The following MYT1L variants were observed in gnomAD, a reference collection of about 807,000 sequenced individuals.
MYT1L encodes the protein myelin transcription factor 1 like.
Under a neutral mutation model 126.7 loss-of-function variants are expected in MYT1L, and 12 were observed. That is an observed-to-expected ratio of 0.09 (90% CI 0.06 to 0.15). MYT1L has a LOEUF of 0.15. MYT1L is among the 10% of genes least tolerant of loss of function. MYT1L has a pLI of 1.00. For synonymous variants in MYT1L, 541 were observed against 604.2 expected (o/e 0.90, Z 1.53); for missense variants, 979 against 1,585.2 (o/e 0.62, Z 6.49).
At chr2:1,810,561 T>G (rs7608632) in intron 21 of MYT1L, among the ~76,000 whole-genome samples, 93,691 of 152,066 alleles carry the variant, frequency 0.62, 29,122 homozygotes, top group South Asian at 0.76. Flanking sequence ...GATGTGTTAG[T>G]GATATATCTA....
chr2:2,246,766 T>C (rs2094543749), intron 2 of MYT1L, among the ~76,000 whole-genome samples: 1 of 152,186 alleles, frequency 6.6e-6, no homozygotes, highest in Non-Finnish European at 1.5e-5. Flanking sequence ...TGAAGATGAG[T>C]GCTAATTAAT....
chr2:1,840,994 C>T (rs2041607199), intron 19 of MYT1L, 151 bp from the exon 20 acceptor site: 3 of 576,108 alleles, frequency 5.2e-6, no homozygotes, highest in South Asian at 2.1e-5. Context: ...AGCTCCGCCT[C>T]CCGGGTTCAC....
intron 2 of MYT1L, among the ~76,000 whole-genome samples, chr2:2,279,746 A>G (rs191290822): frequency 1.2e-3 from 176 of 152,204 alleles, no homozygotes; most frequent in Middle Eastern, 6.8e-3. Context: ...AGGTATTTCC[A>G]TTTTGCCATT....
intron 3 of MYT1L, among the ~76,000 whole-genome samples, chr2:2,152,814 T>G (rs1477100153): frequency 6.6e-6 from 1 of 152,106 alleles, no homozygotes; most frequent in Non-Finnish European, 1.5e-5. Context: ...ACAAGCTATC[T>G]TAGTTAGGAG....
Position 2,004,483 on chromosome 2 carries a change from CTTCTTTCCTGCAGGCA to C in MYT1L, c.-157-7152_-157-7137del, listed in dbSNP as rs1227673132. Among the ~76,000 whole-genome samples, 64 of 132,692 alleles carry C rather than the reference CTTCTTTCCTGCAGGCA, an allele frequency of 4.8e-4. 1 individual carries two copies. The highest frequency in any genetic ancestry group is 1.1e-3 in the African/African-American group (39 of 34,038). The allele number at this position is 132,692 out of a possible 152,430, so 87.1% of individuals were successfully genotyped here. A position where few individuals can be genotyped will look rare whatever the true frequency, so the allele number is the denominator to read the frequency against. The stretch of plus-strand genomic sequence containing the variant: ...CCTGAATATGTTCTTTCCTGCTTGC[CTTCTTTCCTGCAGGCA>C]TTCTTTCCTGCAGGCATTATTTCCT... On this transcript the variant is annotated intron_variant, in intron 4 of 24. Coordinates refer to ENST00000647738, the MANE Select transcript of MYT1L (RefSeq NM_001303052.2).
chr2:1,905,075 G>A (rs191192031), intron 13 of MYT1L, among the ~76,000 whole-genome samples: 179 of 152,206 alleles, frequency 1.2e-3, no homozygotes, highest in Middle Eastern at 3.4e-3. Flanking sequence ...TTTTAGTAGA[G>A]ACAGGGTTTT....
chr2:2,128,813 A>G (rs942743432), intron 3 of MYT1L, among the ~76,000 whole-genome samples: 15 of 152,192 alleles, frequency 9.9e-5, no homozygotes, highest in African/African-American at 3.6e-4. Context: ...GAGATCAGGA[A>G]AAAGAGATGT....
intron 3 of MYT1L, among the ~76,000 whole-genome samples, chr2:2,072,584 G>A (rs1463936425): frequency 6.6e-6 from 1 of 152,120 alleles, no homozygotes; most frequent in African/African-American, 2.4e-5. Context: ...CAGTTCTGGA[G>A]GCTGGAAGTC....
At chr2:2,085,374 C>T (rs538799775) in intron 3 of MYT1L, among the ~76,000 whole-genome samples, 17 of 152,096 alleles carry the variant, frequency 1.1e-4, no homozygotes, top group Non-Finnish European at 2.2e-4. Flanking sequence ...TTCACAGGCA[C>T]GTTCCTGGGA....
chr2:2,016,733 T>C (rs933872041), intron 4 of MYT1L, among the ~76,000 whole-genome samples: 1 of 152,204 alleles, frequency 6.6e-6, no homozygotes, highest in Non-Finnish European at 1.5e-5. Context: ...AAAACATATA[T>C]AAATACATAT....
intron 21 of MYT1L, among the ~76,000 whole-genome samples, chr2:1,819,632 C>T (rs935442170): frequency 1.3e-5 from 2 of 152,212 alleles, no homozygotes; most frequent in African/African-American, 4.8e-5. Context: ...GGCAGAGGCC[C>T]CTGTGAATAC....
intron 1 of MYT1L, among the ~76,000 whole-genome samples, chr2:2,294,218 C>CGGTCACT (rs1189989529): frequency 2.0e-5 from 3 of 152,174 alleles, no homozygotes; most frequent in Non-Finnish European, 2.9e-5. Flanking sequence ...GGCGGTGCCC[C>CGGTCACT]GGTCACTTGA....
At chr2:2,189,012 T>C (rs1406206872) in intron 2 of MYT1L, among the ~76,000 whole-genome samples, 2 of 152,210 alleles carry the variant, frequency 1.3e-5, no homozygotes, top group African/African-American at 4.8e-5. Context: ...TTTGAGCTGC[T>C]GCCGCCTTCC....
At chr2:1,973,956 T>C (rs2059992888) in intron 8 of MYT1L, among the ~76,000 whole-genome samples, 2 of 152,194 alleles carry the variant, frequency 1.3e-5, no homozygotes, top group Non-Finnish European at 2.9e-5. Flanking sequence ...AGGAGAAGAA[T>C]ATGCAGCAGC....
intron 2 of MYT1L, among the ~76,000 whole-genome samples, chr2:2,248,491 A>G (rs2094575886): frequency 6.6e-6 from 1 of 152,178 alleles, no homozygotes; most frequent in African/African-American, 2.4e-5. Context: ...TGTTTGAAAA[A>G]ATAGAGGAAA....
chr2:2,319,218 G>A (rs1292435266), intron 1 of MYT1L: 2 of 152,152 alleles, frequency 1.3e-5, no homozygotes, highest in Non-Finnish European at 2.9e-5. Flanking sequence ...TGTTTGCTTG[G>A]AAGGTTGGCC....
chr2:2,311,331 A>G (rs1025641939), intron 1 of MYT1L, among the ~76,000 whole-genome samples: 10 of 152,248 alleles, frequency 6.6e-5, no homozygotes, highest in African/African-American at 2.4e-4. Flanking sequence ...ATGCTGATGT[A>G]TCTAGACAAG....
At chr2:2,220,829 T>C (rs2093841684) in intron 2 of MYT1L, among the ~76,000 whole-genome samples, 1 of 152,078 alleles carries the variant, frequency 6.6e-6, no homozygotes, top group Non-Finnish European at 1.5e-5. Context: ...CCAGACCCCT[T>C]AGATAGGAAT....
chr2:2,018,918 T>C (rs2064733033), intron 4 of MYT1L, among the ~76,000 whole-genome samples: 1 of 152,158 alleles, frequency 6.6e-6, no homozygotes, highest in South Asian at 2.1e-4. Flanking sequence ...GCATATTACA[T>C]AGAGCTGGGG....
Sources: allele counts gnomAD v4.1 joint callset (sites outside exome capture counted in the v4.1 genomes callset), GRCh38; gene constraint gnomAD v4.1.1; transcripts MANE v1.5; gene names NCBI Gene and HGNC (gene_info 2026-07-23, HGNC 2026-07-21).